The following NHSL2 variants were observed in gnomAD, a reference collection of about 807,000 sequenced individuals.
NHSL2 encodes NHS like 2.
Under a neutral mutation model 53.4 loss-of-function variants are expected in NHSL2, and 27 were observed. The observed-to-expected ratio is 0.51, with a 90% CI of 0.37 to 0.70. The LOEUF is 0.70. NHSL2 is among the 30% of genes least tolerant of loss of function. The pLI is 0.00. For synonymous variants in NHSL2, 408 were observed against 404.1 expected (o/e 1.01, Z -0.12); for missense variants, 892 against 980.1 (o/e 0.91, Z 1.20).
intron 1 of NHSL2, among the ~76,000 whole-genome samples, chrX:72,111,597 T>C (rs1414728869): frequency 2.7e-5 from 3 of 111,557 alleles, no homozygotes; most frequent in African/African-American, 9.8e-5. Flanking sequence ...AAGTATAAGG[T>C]AAATTAAAGA....
chrX:71,951,646 G>A (rs1266096673), intron 1 of NHSL2, among the ~76,000 whole-genome samples: 1 of 112,485 alleles, frequency 8.9e-6, no homozygotes. Context: ...TGGCAGGCAT[G>A]TAAGTTTTTG....
intron 1 of NHSL2, among the ~76,000 whole-genome samples, chrX:72,087,008 G>C (rs1243822823): frequency 8.9e-6 from 1 of 111,937 alleles, no homozygotes; most frequent in Non-Finnish European, 1.9e-5. Context: ...GAGAGGGCCT[G>C]GGCTATGAAG....
chrX:72,137,962 A>C (rs2042373504), intron 5 of NHSL2, among the ~76,000 whole-genome samples: 1 of 111,512 alleles, frequency 9.0e-6, no homozygotes, highest in East Asian at 2.8e-4. Context: ...TATGTTGCAA[A>C]GCCTAAAAGT....
At chrX:71,995,732 A>G (rs982821392) in intron 1 of NHSL2, among the ~76,000 whole-genome samples, 1 of 112,044 alleles carries the variant, frequency 8.9e-6, no homozygotes, top group African/African-American at 3.2e-5. Context: ...ATTTTTCTCC[A>G]AGCCAGTTAT....
Position 71,990,431 on chromosome X carries a change from G to A in NHSL2, c.280+79064G>A, listed in dbSNP as rs143715769. Among the ~76,000 whole-genome samples, 765 of 111,028 alleles carry A rather than the reference G, an allele frequency of 6.9e-3. 6 individuals carry two copies. The highest frequency in any genetic ancestry group is 0.024 in the African/African-American group (721 of 30,460). On this transcript the variant is annotated intron_variant, in intron 1 of 7. Coordinates refer to ENST00000633930, the MANE Select transcript of NHSL2 (RefSeq NM_001013627.3). ...CTCTGGGTTCTCCCTCTCTGTTGGC[G>A]ATCCAGCCATCCAGCCCACCTAGGA...
chrX:72,130,677 G>A (rs377506838), intron 1 of NHSL2: 1 of 1,211,951 alleles, frequency 8.3e-7, no homozygotes, highest in African/African-American at 1.7e-5. Context: ...TTGACCATAA[G>A]AGCTCTTTGC....
At chrX:71,915,170 C>T (rs887781808) in intron 1 of NHSL2, among the ~76,000 whole-genome samples, 5 of 111,937 alleles carry the variant, frequency 4.5e-5, no homozygotes, top group Admixed American at 1.9e-4. Context: ...ATTTAATCTT[C>T]TCTTTTTTAA....
intron 1 of NHSL2, among the ~76,000 whole-genome samples, chrX:72,024,347 T>C (rs1430104323): frequency 9.0e-6 from 1 of 111,519 alleles, no homozygotes; most frequent in Non-Finnish European, 1.9e-5. Flanking sequence ...CCTGGGGACT[T>C]CTCCTCAGGT....
intron 1 of NHSL2, among the ~76,000 whole-genome samples, chrX:71,982,906 A>G (rs1232910094): frequency 8.0e-5 from 9 of 112,427 alleles, no homozygotes; most frequent in South Asian, 3.7e-4. Flanking sequence ...GGGAACTCCA[A>G]TTTGAAGCTG....
At chrX:72,100,592 G>A (rs1254823453) in intron 1 of NHSL2, among the ~76,000 whole-genome samples, 2 of 112,021 alleles carry the variant, frequency 1.8e-5, no homozygotes, top group Non-Finnish European at 3.8e-5. Flanking sequence ...GAGCATTACC[G>A]CCTGAGCTCC....
chrX:72,143,553 C>T lies in NHSL2; in HGVS notation c.3657C>T (p.Thr1219=). ...CACAATTTTCAAAAGACTATGAAAC[C>T]ACCGATAACCCCAGTACCTAAGCCC... ...IIAQFSKDYE[T]TDNPST Residue 1219 remains threonine, a synonymous_variant, in exon 8 of 8, where the codon ACC becomes ACT. Coordinates refer to ENST00000633930, the MANE Select transcript of NHSL2 (RefSeq NM_001013627.3). The T allele has an allele frequency of 8.6e-7, 1 of 1,157,558 alleles. No homozygotes were observed. Among genetic ancestry groups the T allele is most frequent in the Non-Finnish European group, 1.2e-6 (1 of 865,548 alleles).
At chrX:71,931,113 C>A (rs2147821648) in intron 1 of NHSL2, among the ~76,000 whole-genome samples, 1 of 112,351 alleles carries the variant, frequency 8.9e-6, no homozygotes, top group South Asian at 3.7e-4. Flanking sequence ...GGAGTGGTAT[C>A]TCATTGTGGA....
In NHSL2 at chrX:72,028,402, C is replaced by T. The variant is rs147835838; in HGVS notation, c.281-103677C>T. Among the ~76,000 whole-genome samples, 239 of 112,180 alleles carry T rather than the reference C, an allele frequency of 2.1e-3. 1 individual carries two copies. Among genetic ancestry groups the T allele is most frequent in the Non-Finnish European group, 2.3e-3 (121 of 53,159 alleles). On this transcript the variant is annotated intron_variant, in intron 1 of 7. Transcript: ENST00000633930. ...TTTCTGTGAGCTCAAGGATGTTTTCCCCTATTATTTTAGGAATAATTCATT... is the reference window on the plus strand; with the variant it reads ...TTTCTGTGAGCTCAAGGATGTTTTCTCCTATTATTTTAGGAATAATTCATT...
At position 72,151,909 on chromosome X, in the gene NHSL2, A is replaced by G. The variant is rs1458181408; in HGVS notation, c.*8335A>G. On this transcript the variant is annotated 3_prime_UTR_variant, in exon 8 of 8. Coordinates refer to ENST00000633930, the MANE Select transcript of NHSL2 (RefSeq NM_001013627.3). The stretch of plus-strand genomic sequence containing the variant: ...GCTGGTTTTTAAACCTAGAATATCC[A>G]TGTATCCATTTCCTAATGCAGTTTG... 1.8e-5 allele frequency: 2 copies of G among 112,577 alleles called. No individual in the cohort carries two copies. Among genetic ancestry groups the G allele is most frequent in the East Asian group, 2.8e-4 (1 of 3,577 alleles). 9.3% of individuals were successfully genotyped at this position (112,577 alleles called of 1,213,427 possible). A position where few individuals can be genotyped will look rare whatever the true frequency, so the allele number is the denominator to read the frequency against.
rs1274807592 is a variant in NHSL2, at chrX:71,956,124, C to G, written c.280+44757C>G. On this transcript the variant is annotated intron_variant, in intron 1 of 7. Coordinates refer to ENST00000633930, the MANE Select transcript of NHSL2 (RefSeq NM_001013627.3). ...GAGGCCACATTAGACTCAGACCCTG[C>G]TCAACATTTGGGTTCTCCCCACCCC... is the stretch of plus-strand genomic sequence containing the variant. Among the ~76,000 whole-genome samples the G allele has an allele frequency of 2.7e-4, 30 of 111,728 alleles. No homozygotes were observed. In the Admixed American group the frequency reaches 2.8e-3, roughly 11 times the overall value.
chrX:72,034,231 T>C (rs2042230093), intron 1 of NHSL2, among the ~76,000 whole-genome samples: 1 of 112,195 alleles, frequency 8.9e-6, no homozygotes, highest in Admixed American at 9.4e-5. Flanking sequence ...TTTTCAAATA[T>C]TGGGTAAGCC....
At chrX:72,043,632 C>G (rs2042288577) in intron 1 of NHSL2, among the ~76,000 whole-genome samples, 1 of 111,672 alleles carries the variant, frequency 9.0e-6, no homozygotes, top group African/African-American at 3.3e-5. Flanking sequence ...AGTACAGACC[C>G]TTTTCTTAGG....
At chrX:72,064,084 C>A (rs1308917016) in intron 1 of NHSL2, among the ~76,000 whole-genome samples, 3 of 111,639 alleles carry the variant, frequency 2.7e-5, no homozygotes, top group Non-Finnish European at 3.8e-5. Flanking sequence ...CTAGAGAACA[C>A]TTCATCAGGG....
At chrX:71,933,082 G>A (rs1171983655) in intron 1 of NHSL2, among the ~76,000 whole-genome samples, 3 of 112,274 alleles carry the variant, frequency 2.7e-5, no homozygotes, top group Non-Finnish European at 5.6e-5. Context: ...TCCCAGGGAA[G>A]CATTGGCCTC....
Sources: gnomAD v4.1 joint callset for allele counts (sites outside exome capture counted in the v4.1 genomes callset) on GRCh38, gnomAD v4.1.1 for gene constraint, MANE v1.5 for transcripts, NCBI Gene and HGNC (gene_info 2026-07-23, HGNC 2026-07-21) for gene names.